The following RBFOX1 variants were observed in gnomAD, a reference collection of about 807,000 sequenced individuals.
RBFOX1 encodes RNA binding protein fox-1 homolog 1.
In RBFOX1, 8 loss-of-function variants were observed where a neutral mutation model predicts 57.7. The ratio of observed to expected loss-of-function variants is 0.14; its 90% confidence interval spans 0.08 to 0.25. The LOEUF is 0.25. RBFOX1 is among the 10% of genes least tolerant of loss of function. The pLI is 1.00. For missense variants in RBFOX1, 611 were observed against 548.5 expected, an observed-to-expected ratio of 1.11 and a Z score of -1.14; for synonymous variants, 326 against 222.4, an observed-to-expected ratio of 1.47 and a Z score of -4.15.
chr16:7,079,148 G>A (rs1436181960), intron 4 of RBFOX1, among the ~76,000 whole-genome samples: 1 of 152,036 alleles, frequency 6.6e-6, no homozygotes, highest in African/African-American at 2.4e-5. Context: ...GTCTGTTGCT[G>A]TAGGATTATA....
intron 1 of RBFOX1, among the ~76,000 whole-genome samples, chr16:6,053,196 C>G (rs1416250102): frequency 2.0e-5 from 3 of 152,110 alleles, no homozygotes; most frequent in Non-Finnish European, 2.9e-5. Flanking sequence ...AGAAATTATC[C>G]GAGGGCTCCT....
intron 2 of RBFOX1, among the ~76,000 whole-genome samples, chr16:6,626,979 T>C (rs993833662): frequency 6.6e-6 from 1 of 152,180 alleles, no homozygotes; most frequent in Non-Finnish European, 1.5e-5. Flanking sequence ...ATGCACAGTT[T>C]ATAGACGAAG....
intron 4 of RBFOX1, among the ~76,000 whole-genome samples, chr16:7,217,032 CCTCCCTCCCTCCCTCCCTCCCTCT>C (rs1282685395): frequency 2.3e-5 from 2 of 86,994 alleles, no homozygotes; most frequent in African/African-American, 1.0e-4. Flanking sequence ...TCCCTCCCTC[CCTCCCTCCCTCCCTCCCTCCCTCT>C]CTCTCCCTCT....
intron 3 of RBFOX1, among the ~76,000 whole-genome samples, chr16:6,924,363 C>A (rs1005221910): frequency 6.6e-6 from 1 of 151,940 alleles, no homozygotes; most frequent in South Asian, 2.1e-4. Flanking sequence ...GAGGAACACG[C>A]AAGAGAGAGG....
At chr16:5,406,947 C>T (rs1430219547) in intron 1 of RBFOX1, among the ~76,000 whole-genome samples, 1 of 152,150 alleles carries the variant, frequency 6.6e-6, no homozygotes, top group Non-Finnish European at 1.5e-5. Context: ...GAGGGCTTCC[C>T]TGAGGAAGTG....
At chr16:7,124,527 C>CTCCT (rs2067968278) in intron 4 of RBFOX1, among the ~76,000 whole-genome samples, 3 of 74,536 alleles carry the variant, frequency 4.0e-5, no homozygotes, top group Non-Finnish European at 8.1e-5. Context: ...CTCCCCTCCC[C>CTCCT]TCCTTCCTTC....
intron 2 of RBFOX1, among the ~76,000 whole-genome samples, chr16:6,385,761 A>G (rs1027458332): frequency 4.6e-5 from 7 of 152,194 alleles, no homozygotes; most frequent in Admixed American, 3.9e-4. Context: ...ACGTCTACAC[A>G]TCGTATTTAG....
rs1256784041 is a variant in RBFOX1 at position 7,299,555 on chromosome 16, T to G, written c.28-218592T>G. On this transcript the variant is annotated intron_variant, in intron 4 of 15. Coordinates refer to ENST00000550418, the MANE Select transcript of RBFOX1 (RefSeq NM_018723.4). ...ATTGGTTCTGCCTGGGACGAAGCCCTTTACTCTGAAAAAGGAGCGCTGTGC... is the reference window on the plus strand; with the variant it reads ...ATTGGTTCTGCCTGGGACGAAGCCCGTTACTCTGAAAAAGGAGCGCTGTGC... Among the ~76,000 whole-genome samples, 4 of 152,214 alleles carry G rather than the reference T, an allele frequency of 2.6e-5. No homozygotes were observed. In the East Asian group the frequency reaches 7.7e-4, roughly 29 times the overall value.
intron 1 of RBFOX1, among the ~76,000 whole-genome samples, chr16:5,290,511 C>T (rs2063507351): frequency 6.6e-6 from 1 of 152,022 alleles, no homozygotes; most frequent in Admixed American, 6.6e-5. Context: ...TTGATTTGTT[C>T]ATTTTAAATG....
chr16:6,562,880 C>CTTTCTTTCTTTCTTTCTTTCT (rs746999419), intron 2 of RBFOX1, among the ~76,000 whole-genome samples: 1 of 51,778 alleles, frequency 1.9e-5, no homozygotes, highest in Non-Finnish European at 3.9e-5. Flanking sequence ...TTCTTTCTTT[C>CTTTCTTTCTTTCTTTCTTTCT]TTTTTTTTTT....
At chr16:7,542,833 G>A (rs532545654) in intron 5 of RBFOX1, among the ~76,000 whole-genome samples, 2 of 140,090 alleles carry the variant, frequency 1.4e-5, no homozygotes, top group East Asian at 4.1e-4. Flanking sequence ...TAGAGGAACA[G>A]AGGGGAGAGA....
chr16:6,387,129 A>T (rs772104649), intron 2 of RBFOX1, among the ~76,000 whole-genome samples: 46 of 152,220 alleles, frequency 3.0e-4, no homozygotes, highest in Non-Finnish European at 1.5e-4. Context: ...CTTCAAATCC[A>T]TGCCTTTTAG....
chr16:6,255,579 G>A (rs181556875), intron 1 of RBFOX1, among the ~76,000 whole-genome samples: 36 of 152,222 alleles, frequency 2.4e-4, no homozygotes, highest in Non-Finnish European at 3.7e-4. Context: ...GCGCTGTTCA[G>A]TGTCCTATAA....
intron 3 of RBFOX1, among the ~76,000 whole-genome samples, chr16:6,797,839 C>T (rs563193544): frequency 2.0e-5 from 3 of 152,142 alleles, no homozygotes; most frequent in Non-Finnish European, 4.4e-5. Context: ...AGCTCTAGAA[C>T]CACTCGACTT....
chr16:6,156,473 G>A (rs2096839273), intron 1 of RBFOX1, among the ~76,000 whole-genome samples: 1 of 152,154 alleles, frequency 6.6e-6, no homozygotes, highest in Non-Finnish European at 1.5e-5. Context: ...AGCTCAGATG[G>A]GGCATGCCCT....
intron 4 of RBFOX1, among the ~76,000 whole-genome samples, chr16:7,459,308 A>C (rs2059124031): frequency 6.6e-6 from 1 of 152,238 alleles, no homozygotes; most frequent in Admixed American, 6.5e-5. Flanking sequence ...TTCTGGAGAA[A>C]GTCCAGAGAT....
rs200645360 is a variant in RBFOX1, at chr16:6,036,943, GGATAC to G, written c.-127+16952_-127+16956del. Among the ~76,000 whole-genome samples the G allele has an allele frequency of 2.4e-3, 368 of 152,284 alleles. 3 individuals carry two copies. The highest frequency in any genetic ancestry group is 8.2e-3 in the African/African-American group (339 of 41,558). On this transcript the variant is annotated intron_variant, in intron 1 of 15. Transcript: ENST00000550418. ...CATGACCCTAGTAGGCAAGGAAAAA[GGATAC>G]TACAGCCCAACCACTTCACCTGTTT...
In RBFOX1 at chr16:5,381,582, G is replaced by T. The variant is rs550572620; in HGVS notation, c.220-85634G>T. On this transcript the variant is annotated intron_variant, in intron 1 of 2. Coordinates refer to the RBFOX1 transcript ENST00000585867. Reference sequence around the variant, plus strand: ...CAAGGCATAGGCTGCTGGGGCTCGAGCCTGCATCCCTTCCATGTGGGACCT... The same window carrying T: ...CAAGGCATAGGCTGCTGGGGCTCGATCCTGCATCCCTTCCATGTGGGACCT... Among the ~76,000 whole-genome samples, 16 of 152,326 alleles carry T rather than the reference G, an allele frequency of 1.1e-4. No individual in the cohort carries two copies. The South Asian group carries it at 3.3e-3, about 32-fold the overall frequency.
At chr16:5,403,361 A>AAAAAC (rs1555509343) in intron 1 of RBFOX1, among the ~76,000 whole-genome samples, 7,766 of 146,702 alleles carry the variant, frequency 0.053, 269 homozygotes, top group East Asian at 0.091. Flanking sequence ...AAAAAAAAAA[A>AAAAAC]AAAAAACAAA....
Sources: allele counts gnomAD v4.1 joint callset (sites outside exome capture counted in the v4.1 genomes callset), GRCh38; gene constraint gnomAD v4.1.1; transcripts MANE v1.5; gene names NCBI Gene and HGNC (gene_info 2026-07-23, HGNC 2026-07-21).